The following KLHL5 variants were observed in gnomAD, a reference collection of about 807,000 sequenced individuals.
KLHL5 encodes kelch-like protein 5.
Under a neutral mutation model 77.7 loss-of-function variants are expected in KLHL5, and 48 were observed. That is an observed-to-expected ratio of 0.62 (90% CI 0.49 to 0.79). KLHL5 has a LOEUF of 0.79. Among genes scored for constraint, KLHL5 ranks in the 30% least tolerant of loss-of-function variants. The pLI is 0.00. For missense variants in KLHL5, 723 were observed against 859.7 expected (o/e 0.84, Z 1.99); for synonymous variants, 260 against 297.0 (o/e 0.88, Z 1.28).
chr4:39,069,473 TACACAC>T (rs57779550), intron 1 of KLHL5, among the ~76,000 whole-genome samples: 24 of 70,336 alleles, frequency 3.4e-4, no homozygotes, highest in East Asian at 2.8e-3. Flanking sequence ...TATATATATA[TACACAC>T]ACACACACAC....
At chr4:39,077,319 G>C (rs192533521) in intron 2 of KLHL5, among the ~76,000 whole-genome samples, 345 of 152,018 alleles carry the variant, frequency 2.3e-3, no homozygotes, top group Non-Finnish European at 3.5e-3. Context: ...AAAATTAGCC[G>C]GGCATGGTGG....
At chr4:39,048,155 A>G (rs1194525368) in intron 1 of KLHL5, among the ~76,000 whole-genome samples, 2 of 152,346 alleles carry the variant, frequency 1.3e-5, no homozygotes, top group East Asian at 3.9e-4. Flanking sequence ...TATGGAAGGC[A>G]AGGAATTGCA....
At chr4:39,074,269 A>G (rs1289931610) in intron 1 of KLHL5, among the ~76,000 whole-genome samples, 2 of 152,228 alleles carry the variant, frequency 1.3e-5, no homozygotes, top group Admixed American at 1.3e-4. Flanking sequence ...TTTGTATGGT[A>G]CTGAAAATAC....
At chr4:39,114,514 T>C (rs1043040610) in intron 9 of KLHL5, among the ~76,000 whole-genome samples, 6 of 152,210 alleles carry the variant, frequency 3.9e-5, no homozygotes, top group Non-Finnish European at 7.3e-5. Flanking sequence ...AACAAGTGCT[T>C]TCTGTATTGG....
At position 39,062,744 on chromosome 4, in the gene KLHL5, C is replaced by T; in HGVS notation, c.92C>T (p.Thr31Ile). Residue 31 changes from threonine (T) to isoleucine (I), a missense_variant, in exon 1 of 11, where the codon ACA becomes ATA. By Grantham distance (89) the Thr-to-Ile change is moderately conservative. Transcript: ENST00000504108. ...FGHQASSPNSTVDSQQGEFWN... is the reference protein window; with the variant it reads ...FGHQASSPNSIVDSQQGEFWN... ...CATCAAGCATCATCTCCTAATTCTACAGTTGACAGCCAGCAGGGAGAATTT... is the reference window on the plus strand; with the variant it reads ...CATCAAGCATCATCTCCTAATTCTATAGTTGACAGCCAGCAGGGAGAATTT... 6.2e-7 allele frequency: 1 copy of T among 1,614,152 alleles called. No homozygotes were observed. Among genetic ancestry groups the T allele is most frequent in the Admixed American group, 1.7e-5 (1 of 60,018 alleles).
upstream of KLHL5, among the ~76,000 whole-genome samples, chr4:39,058,403 A>T (rs1478721301): frequency 6.6e-6 from 1 of 152,096 alleles, no homozygotes; most frequent in Admixed American, 6.6e-5. Flanking sequence ...TGGCGGGTGG[A>T]TCACTTGAGC....
At position 39,125,604 on chromosome 4, in the gene KLHL5, A is replaced by G. The variant is rs1723493729; in HGVS notation, c.*4538A>G. Among the ~76,000 whole-genome samples, 1 of 152,212 alleles carries G rather than the reference A, an allele frequency of 6.6e-6. No individual in the cohort carries two copies. The highest frequency in any genetic ancestry group is 1.5e-5 in the Non-Finnish European group (1 of 68,036). ...TGAAAGAAGGCAGACACAAAAGGCA[A>G]CGTATTGCATGAGTGCATTTATATG... On this transcript the variant is annotated 3_prime_UTR_variant, in exon 11 of 11. Transcript: ENST00000504108.
chr4:39,117,029 G>GT (rs1170746715), intron 10 of KLHL5, among the ~76,000 whole-genome samples: 1 of 152,110 alleles, frequency 6.6e-6, no homozygotes, highest in African/African-American at 2.4e-5. Context: ...TAGAGACGGG[G>GT]TTTTGTCATG....
intron 1 of KLHL5, among the ~76,000 whole-genome samples, chr4:39,046,500 G>A (rs1716200237): frequency 6.6e-6 from 1 of 152,218 alleles, no homozygotes; most frequent in African/African-American, 2.4e-5. Context: ...TGTGATTCCA[G>A]CCCTTTGGGA....
At chr4:39,135,254 G>T in the KLHL5 span, 1 of 152,140 alleles carries the variant, frequency 6.6e-6, no homozygotes, top group South Asian at 2.1e-4. Flanking sequence ...TATCGTGTTG[G>T]GGTCACTTCC....
At chr4:39,084,584 G>T (rs1205831930) in intron 4 of KLHL5, among the ~76,000 whole-genome samples, 2 of 152,106 alleles carry the variant, frequency 1.3e-5, no homozygotes, top group Non-Finnish European at 2.9e-5. Flanking sequence ...TATTTCATAA[G>T]TTGTTGAAAA....
chr4:39,069,007 G>A (rs762595759), intron 1 of KLHL5, among the ~76,000 whole-genome samples: 4 of 152,148 alleles, frequency 2.6e-5, no homozygotes, highest in Non-Finnish European at 4.4e-5. Flanking sequence ...GGCCCAGGGC[G>A]GATAGGTAGC....
chr4:39,055,893 T>G (rs1716971467), intron 1 of KLHL5, among the ~76,000 whole-genome samples: 4 of 152,220 alleles, frequency 2.6e-5, no homozygotes. Context: ...TCCATTTACT[T>G]TTTTTGCCTT....
chr4:39,081,006 C>A lies in KLHL5; in HGVS notation c.567-97C>A. On this transcript the variant is annotated intron_variant, in intron 2 of 10. Coordinates refer to ENST00000504108, the MANE Select transcript of KLHL5 (RefSeq NM_015990.5). The surrounding 1 kb of genome is among the most constrained non-coding windows in gnomAD (Gnocchi z 4.3). Reference sequence around the variant, plus strand: ...TTAAAATGCATTTCCTAGTACCATGCACTGTGAGTAACAAATAAAAAAGAA... The same window carrying A: ...TTAAAATGCATTTCCTAGTACCATGAACTGTGAGTAACAAATAAAAAAGAA... The A allele has an allele frequency of 1.7e-6, 2 of 1,192,444 alleles. No individual in the cohort carries two copies. The highest frequency in any genetic ancestry group is 2.4e-6 in the Non-Finnish European group (2 of 839,298). The allele number at this position is 1,192,444 out of a possible 1,614,324, so 73.9% of individuals were successfully genotyped here.
chr4:39,105,588 A>G (rs1436961988), intron 7 of KLHL5, among the ~76,000 whole-genome samples: 1 of 151,600 alleles, frequency 6.6e-6, no homozygotes, highest in Non-Finnish European at 1.5e-5. Flanking sequence ...AAACATGTAT[A>G]TACAGTATGT....
rs150669970 is a variant in KLHL5, at chr4:39,125,289, CAAT to C, written c.*4226_*4228del. 0.49 allele frequency among the ~76,000 whole-genome samples: 74,103 copies of C among 151,604 alleles called. 19,600 individuals are homozygous for C. Among genetic ancestry groups the C allele is most frequent in the Non-Finnish European group, 0.59 (40,214 of 67,802 alleles). ...TGTGGAAAACAGTTTGGCAGTTCCT[CAAT>C]AAGTTAAAAAAAAGAATTACCATAT... On this transcript the variant is annotated 3_prime_UTR_variant, in exon 11 of 11. Transcript: ENST00000504108.
chr4:39,062,404 T>TGA lies in KLHL5; in HGVS notation c.-245_-244dup. The TGA allele has an allele frequency of 6.8e-7, 1 of 1,468,748 alleles. No individual in the cohort carries two copies. Among genetic ancestry groups the TGA allele is most frequent in the African/African-American group, 1.4e-5 (1 of 70,362 alleles). 91.0% of individuals were successfully genotyped at this position (1,468,748 alleles called of 1,614,324 possible). The stretch of plus-strand genomic sequence containing the variant: ...GTCTAGCTGCTTCAGGATAGGTGGA[T>TGA]GAGAGTTTGCTCTGATTGAACGGAA... On this transcript the variant is annotated 5_prime_UTR_variant, in exon 1 of 11. It removes the in-frame stop codon of an upstream open reading frame in the 5' UTR. Coordinates refer to ENST00000504108, the MANE Select transcript of KLHL5 (RefSeq NM_015990.5).
At position 39,122,913 on chromosome 4, in the gene KLHL5, G is replaced by C. The variant is rs978790783; in HGVS notation, c.*1847G>C. ...TGCTCTATAGTAATAAAATTTACCA[G>C]TAACACCCAATCAGAAAATTTTGGT... On this transcript the variant is annotated 3_prime_UTR_variant, in exon 11 of 11. Coordinates refer to ENST00000504108, the MANE Select transcript of KLHL5 (RefSeq NM_015990.5). Among the ~76,000 whole-genome samples the C allele has an allele frequency of 6.6e-6, 1 of 152,076 alleles. No homozygotes were observed. Among genetic ancestry groups the C allele is most frequent in the African/African-American group, 2.4e-5 (1 of 41,424 alleles).
chr4:39,055,029 A>G (rs1410132113), intron 1 of KLHL5, among the ~76,000 whole-genome samples: 2 of 152,244 alleles, frequency 1.3e-5, no homozygotes, highest in East Asian at 3.8e-4. Context: ...ATTAAGTTGA[A>G]TGCTTTGGGA....
Sources: allele counts gnomAD v4.1 joint callset (sites outside exome capture counted in the v4.1 genomes callset), GRCh38; gene constraint gnomAD v4.1.1; non-coding constraint Gnocchi (gnomAD v3.1); transcripts MANE v1.5; gene names NCBI Gene and HGNC (gene_info 2026-07-23, HGNC 2026-07-21).